METTL2A: variants seen among roughly 807,000 people sequenced by gnomAD.
The protein encoded by METTL2A is tRNA N(3)-cytidine methyltransferase METTL2A.
A neutral mutation model predicts 49.4 loss-of-function variants in METTL2A; 45 were observed. The observed-to-expected ratio is 0.91, with a 90% CI of 0.72 to 1.17. The LOEUF is 1.17. Ranked by LOEUF, METTL2A falls within the 50% of genes most tolerant of loss-of-function variation. The pLI is 0.00. For missense variants in METTL2A, 361 were observed against 462.2 expected, an observed-to-expected ratio of 0.78 and a Z score of 2.01; for synonymous variants, 118 against 167.5, an observed-to-expected ratio of 0.70 and a Z score of 2.28.
chr17:62,446,744 G>A (rs1381943777), intron 7 of METTL2A, among the ~76,000 whole-genome samples: 2 of 152,218 alleles, frequency 1.3e-5, no homozygotes, highest in Non-Finnish European at 2.9e-5. Context: ...ATAGGGAGAT[G>A]TTGTGCTTGT....
chr17:62,442,928 C>T (rs1352795392), intron 6 of METTL2A, among the ~76,000 whole-genome samples: 2 of 152,186 alleles, frequency 1.3e-5, no homozygotes, highest in African/African-American at 4.8e-5. Flanking sequence ...ACTGGCTGCA[C>T]AGGATAGGAG....
intron 3 of METTL2A, 97 bp from the exon 4 acceptor site, chr17:62,427,691 G>C (rs1452959481): frequency 2.5e-6 from 4 of 1,580,604 alleles, no homozygotes; most frequent in Admixed American, 1.8e-5. Context: ...AATACAGTTA[G>C]GCCAGATTCT....
At chr17:62,446,956 G>T (rs1435914531) in intron 7 of METTL2A, among the ~76,000 whole-genome samples, 2 of 152,132 alleles carry the variant, frequency 1.3e-5, no homozygotes, top group Non-Finnish European at 2.9e-5. Context: ...CTGAGGTAAG[G>T]TCAGGGAGGT....
chr17:62,448,900 C>A lies in METTL2A; in HGVS notation c.*171C>A. Reference sequence around the variant, plus strand: ...CAACCTGGGCAAAATAGTGAGAGACCCTGTATCTGAAAGTAATAATAAAAA... The same window carrying A: ...CAACCTGGGCAAAATAGTGAGAGACACTGTATCTGAAAGTAATAATAAAAA... On this transcript the variant is annotated 3_prime_UTR_variant, in exon 9 of 9. Coordinates refer to ENST00000311506, the MANE Select transcript of METTL2A (RefSeq NM_181725.4). 1.2e-6 allele frequency: 1 copy of A among 839,978 alleles called. No homozygotes were observed. The allele number at this position is 839,978 out of a possible 1,614,324, so 52.0% of individuals were successfully genotyped here. A position where few individuals can be genotyped will look rare whatever the true frequency, so the allele number is the denominator to read the frequency against.
At chr17:62,448,545 T>C in intron 8 of METTL2A, 30 bp from the exon 9 acceptor site, 1 of 1,607,700 alleles carries the variant, frequency 6.2e-7, no homozygotes, top group Non-Finnish European at 8.5e-7. Context: ...AGGGGAAAAA[T>C]GCATAAACAT....
At chr17:62,430,909 A>G (rs937763741) in intron 4 of METTL2A, among the ~76,000 whole-genome samples, 9 of 152,278 alleles carry the variant, frequency 5.9e-5, no homozygotes, top group African/African-American at 2.2e-4. Flanking sequence ...CTTGTTGCCC[A>G]GGCTGGAGTG....
chr17:62,437,986 G>A (rs1478519020), intron 5 of METTL2A, among the ~76,000 whole-genome samples: 1 of 146,242 alleles, frequency 6.8e-6, no homozygotes, highest in South Asian at 2.1e-4. Context: ...AAAAAAAAAT[G>A]TGTCTGTTAC....
intron 5 of METTL2A, among the ~76,000 whole-genome samples, chr17:62,439,816 G>T (rs1321040048): frequency 6.6e-6 from 1 of 151,830 alleles, no homozygotes. Flanking sequence ...CCAATTCTTA[G>T]ATCTGACTTC....
At chr17:62,444,992 A>G in intron 7 of METTL2A, 49 bp downstream of exon 7, 2 of 1,592,164 alleles carry the variant, frequency 1.3e-6, no homozygotes, top group South Asian at 1.1e-5. Context: ...TGTCCTTTGC[A>G]GGGACATGGA....
At chr17:62,425,289 A>G (rs1465062919) in intron 2 of METTL2A, among the ~76,000 whole-genome samples, 2 of 150,948 alleles carry the variant, frequency 1.3e-5, no homozygotes, top group African/African-American at 2.4e-5. Flanking sequence ...TATTCTTTCT[A>G]CTACACTAGT....
At chr17:62,446,861 C>T (rs1441921722) in intron 7 of METTL2A, among the ~76,000 whole-genome samples, 1 of 152,138 alleles carries the variant, frequency 6.6e-6, no homozygotes, top group Non-Finnish European at 1.5e-5. Flanking sequence ...TCCCCCTATA[C>T]CAGTATCTGC....
intron 3 of METTL2A, among the ~76,000 whole-genome samples, chr17:62,427,187 G>A (rs2070633966): frequency 6.6e-6 from 1 of 152,144 alleles, no homozygotes; most frequent in African/African-American, 2.4e-5. Flanking sequence ...CACGTTACTG[G>A]AAGCTGGTTC....
At chr17:62,426,851 A>G (rs2070631208) in intron 3 of METTL2A, among the ~76,000 whole-genome samples, 197 bp downstream of exon 3, 1 of 152,262 alleles carries the variant, frequency 6.6e-6, no homozygotes, top group Non-Finnish European at 1.5e-5. Flanking sequence ...TCTGGTAGTC[A>G]TGACGGACAA....
At chr17:62,435,327 C>T in intron 5 of METTL2A, 35 bp downstream of exon 5, 1 of 1,613,670 alleles carries the variant, frequency 6.2e-7, no homozygotes, top group Non-Finnish European at 8.5e-7. Context: ...TTGGTAATTT[C>T]CACTGATTAA....
At chr17:62,442,023 G>A (rs2070741978) in intron 6 of METTL2A, among the ~76,000 whole-genome samples, 1 of 152,052 alleles carries the variant, frequency 6.6e-6, no homozygotes, top group Non-Finnish European at 1.5e-5. Context: ...CAAAGTGCTG[G>A]AATTACAGGC....
intron 6 of METTL2A, among the ~76,000 whole-genome samples, chr17:62,444,286 G>A (rs1478251475): frequency 6.6e-6 from 1 of 152,152 alleles, no homozygotes; most frequent in Non-Finnish European, 1.5e-5. Flanking sequence ...TTGTTTGTTT[G>A]TTTTTTGGAG....
At chr17:62,424,068 G>A (rs1364759833) in intron 1 of METTL2A, 56 bp downstream of exon 1, 49 of 1,594,496 alleles carry the variant, frequency 3.1e-5, no homozygotes, top group Non-Finnish European at 3.9e-5. Flanking sequence ...CCGCCGCCTC[G>A]GAGCACTCCG....
At chr17:62,446,083 T>G (rs1458941546) in intron 7 of METTL2A, among the ~76,000 whole-genome samples, 1 of 152,160 alleles carries the variant, frequency 6.6e-6, no homozygotes, top group African/African-American at 2.4e-5. Context: ...AATAACGAGT[T>G]AGTACTTCCT....
chr17:62,425,147 G>C (rs2070614911), intron 2 of METTL2A, among the ~76,000 whole-genome samples: 1 of 151,500 alleles, frequency 6.6e-6, no homozygotes, highest in African/African-American at 2.4e-5. Context: ...GTCAGTAGTA[G>C]CAGTAGTGGA....
Sources: allele counts gnomAD v4.1 joint callset (sites outside exome capture counted in the v4.1 genomes callset), GRCh38; gene constraint gnomAD v4.1.1; transcripts MANE v1.5; gene names NCBI Gene and HGNC (gene_info 2026-07-23, HGNC 2026-07-21).